BANP: variants seen among roughly 807,000 people sequenced by gnomAD.
BANP encodes the protein BTG3 associated nuclear protein, also known as protein BANP.
Under a neutral mutation model 68.1 loss-of-function variants are expected in BANP, and 11 were observed. That is an observed-to-expected ratio of 0.16 (90% CI 0.10 to 0.27). The LOEUF (loss-of-function observed/expected upper bound fraction) is 0.27. Ranked by LOEUF, BANP falls within the 10% of genes least tolerant of loss-of-function variation. The pLI, the probability that BANP is intolerant of heterozygous loss-of-function variation, is 1.00. For missense variants in BANP, 504 were observed against 722.7 expected (o/e 0.70, Z 3.47); for synonymous variants, 329 against 303.2 (o/e 1.09, Z -0.88).
chr16:87,978,415 C>T (rs1241057105), intron 2 of BANP: 4 of 346,944 alleles, frequency 1.2e-5, no homozygotes, highest in African/African-American at 6.5e-5. Flanking sequence ...GTAATGAGTA[C>T]GAGGGTCTCT....
chr16:87,951,949 G>A (rs1390674869), intron 1 of BANP, among the ~76,000 whole-genome samples: 2 of 152,180 alleles, frequency 1.3e-5, no homozygotes, highest in Non-Finnish European at 2.9e-5. Context: ...AGGCGGGAGC[G>A]ACAGGCATCG....
intron 11 of BANP, among the ~76,000 whole-genome samples, chr16:88,056,078 G>C (rs564294375): frequency 1.3e-5 from 2 of 152,314 alleles, no homozygotes; most frequent in African/African-American, 4.8e-5. Context: ...TCCTTGCCCT[G>C]TCTGGGGAGG....
chr16:87,984,446 C>T (rs1263076701), intron 4 of BANP, among the ~76,000 whole-genome samples, 187 bp downstream of exon 4: 1 of 152,244 alleles, frequency 6.6e-6, no homozygotes, highest in African/African-American at 2.4e-5. Context: ...GGCATCCTGC[C>T]AGGATGACCT....
chr16:87,969,098 C>T (rs1056936916), intron 1 of BANP, among the ~76,000 whole-genome samples: 13 of 152,186 alleles, frequency 8.5e-5, no homozygotes, highest in Admixed American at 2.0e-4. Flanking sequence ...TTGATATTCA[C>T]GGGATCCTGC....
chr16:87,953,695 C>G (rs770810337), intron 1 of BANP, among the ~76,000 whole-genome samples: 2 of 152,182 alleles, frequency 1.3e-5, no homozygotes, highest in South Asian at 4.1e-4. Context: ...CATGGCTTTT[C>G]TCTTGGCACT....
At position 88,068,560 on chromosome 16, in the gene BANP, G is replaced by A. The variant is rs568737000; in HGVS notation, c.1377+3228G>A. On this transcript the variant is annotated intron_variant, in intron 12 of 13. Transcript: ENST00000682872. ...CAGGAGTGTGCCTGTGCTGTGATGA[G>A]TGGGAAACGCAGTTTGTGCAGGGCC... Among the ~76,000 whole-genome samples the A allele has an allele frequency of 3.3e-5, 5 of 152,300 alleles. No homozygotes were observed. In the South Asian group the frequency reaches 1.0e-3, roughly 32 times the overall value.
intron 13 of BANP, among the ~76,000 whole-genome samples, 179 bp from the exon 14 acceptor site, chr16:88,076,411 C>T (rs2091626327): frequency 6.6e-6 from 1 of 152,174 alleles, no homozygotes; most frequent in Non-Finnish European, 1.5e-5. Flanking sequence ...GCGCGTCGTT[C>T]CGCTGGGAGC....
Position 87,980,409 on chromosome 16 carries a change from C to G in BANP, c.71-627C>G, listed in dbSNP as rs2063023238. 3 of 152,596 alleles carry G rather than the reference C, an allele frequency of 2.0e-5. No individual in the cohort carries two copies. In the East Asian group the frequency reaches 5.8e-4, roughly 29 times the overall value. 9.5% of individuals were successfully genotyped at this position (152,596 alleles called of 1,614,324 possible). The stretch of plus-strand genomic sequence containing the variant: ...TTAGAGAAAAGGAAGGAGGTTGGGA[C>G]CACACTGTGGCTGCCCTGAGCTGGG... On this transcript the variant is annotated intron_variant, in intron 2 of 13. Coordinates refer to ENST00000682872, the MANE Select transcript of BANP (RefSeq NM_001386991.1).
chr16:88,048,749 A>G lies in BANP; in HGVS notation c.1311+10738A>G, dbSNP rs577951619. Among the ~76,000 whole-genome samples the G allele has an allele frequency of 1.1e-4, 17 of 152,208 alleles. No homozygotes were observed. In the East Asian group the frequency reaches 2.9e-3, roughly 26 times the overall value. On this transcript the variant is annotated intron_variant, in intron 11 of 13. Coordinates refer to ENST00000682872, the MANE Select transcript of BANP (RefSeq NM_001386991.1). ...TTGGTATCAAATCGGCACTCACCAC[A>G]GATTAAAGAAAGGAGGTGGATTCTA...
intron 1 of BANP, chr16:87,960,079 G>C (rs1040260051): frequency 3.9e-5 from 6 of 152,524 alleles, no homozygotes; most frequent in Admixed American, 3.9e-4. Flanking sequence ...ACAGTCCCAA[G>C]GGGCACCTTC....
At chr16:87,999,272 G>A (rs1346188306) in intron 4 of BANP, among the ~76,000 whole-genome samples, 3 of 125,936 alleles carry the variant, frequency 2.4e-5, no homozygotes, top group African/African-American at 6.1e-5. Flanking sequence ...TTCCAGACAC[G>A]TCTCCATGCA....
At chr16:88,061,226 G>C (rs1165566709) in intron 11 of BANP, among the ~76,000 whole-genome samples, 3 of 151,844 alleles carry the variant, frequency 2.0e-5, no homozygotes, top group Admixed American at 6.5e-5. Context: ...GTGAATGTGG[G>C]GTCTCCCGGG....
At chr16:88,050,259 C>G (rs2082942562) in intron 11 of BANP, among the ~76,000 whole-genome samples, 1 of 152,140 alleles carries the variant, frequency 6.6e-6, no homozygotes, top group African/African-American at 2.4e-5. Context: ...CGGGCTCAGG[C>G]AATCCTCCCA....
intron 7 of BANP, among the ~76,000 whole-genome samples, chr16:88,020,637 A>T (rs1244414769): frequency 6.6e-6 from 1 of 151,966 alleles, no homozygotes; most frequent in African/African-American, 2.4e-5. Flanking sequence ...TTTGGAGAGG[A>T]TGGTGGTGTG....
At chr16:87,969,377 A>C (rs1304515459) in intron 1 of BANP, among the ~76,000 whole-genome samples, 2 of 152,090 alleles carry the variant, frequency 1.3e-5, no homozygotes, top group African/African-American at 2.4e-5. Flanking sequence ...CCCTTCAAAG[A>C]GGTTGTACCC....
chr16:87,968,009 C>T (rs1054564627), intron 1 of BANP, among the ~76,000 whole-genome samples: 14 of 150,202 alleles, frequency 9.3e-5, no homozygotes, highest in African/African-American at 3.1e-4. Flanking sequence ...CCGCCTTGGC[C>T]TCCCAAAGTG....
Position 88,018,633 on chromosome 16 carries a change from G to A in BANP, c.861G>A (p.Lys287=), listed in dbSNP as rs1218821799. 5 of 1,572,816 alleles carry A rather than the reference G, an allele frequency of 3.2e-6. No homozygotes were observed. In the Admixed American group the frequency reaches 7.5e-5, roughly 23 times the overall value. Residue 287 remains lysine, a synonymous_variant, in exon 7 of 14, where the codon AAG becomes AAA. Coordinates refer to ENST00000682872, the MANE Select transcript of BANP (RefSeq NM_001386991.1). The surrounding 1 kb of genome is among the most constrained non-coding windows in gnomAD (Gnocchi z 7.7). ...CGGGGCAGGGCAAGCACGGGAAGAAGCAGCTGGACCCGCTCACCATCTACG... is the reference window on the plus strand; with the variant it reads ...CGGGGCAGGGCAAGCACGGGAAGAAACAGCTGGACCCGCTCACCATCTACG... ...NLSGQGKHGK[K]QLDPLTIYGI... is the part of the protein sequence containing the mutation.
intron 1 of BANP, among the ~76,000 whole-genome samples, chr16:87,964,967 T>C (rs1433215301): frequency 6.6e-6 from 1 of 152,122 alleles, no homozygotes; most frequent in African/African-American, 2.4e-5. Flanking sequence ...TAGTAGGTGG[T>C]GTGGTGTGAG....
rs765818228 is a variant in BANP at position 87,960,168 on chromosome 16, C to T, written c.-69+8653C>T. On this transcript the variant is annotated intron_variant, in intron 1 of 13. Coordinates refer to ENST00000682872, the MANE Select transcript of BANP (RefSeq NM_001386991.1). ...GGCTTCTGGAGCAGAGCAGAGGCCC[C>T]GCGGACCGTGAGGATGGCCACAGGG... Among the ~76,000 whole-genome samples the T allele has an allele frequency of 3.9e-5, 6 of 152,152 alleles. No individual in the cohort carries two copies. In the East Asian group the frequency reaches 5.8e-4, roughly 15 times the overall value.
Sources: gnomAD v4.1 joint callset for allele counts (sites outside exome capture counted in the v4.1 genomes callset) on GRCh38, gnomAD v4.1.1 for gene constraint, Gnocchi (gnomAD v3.1) non-coding constraint, MANE v1.5 for transcripts, NCBI Gene and HGNC (gene_info 2026-07-23, HGNC 2026-07-21) for gene names.